Variants in NEK1 observed in about 807,000 individuals in gnomAD.
The protein encoded by NEK1 is NIMA related kinase 1.
Under a neutral mutation model 182.1 loss-of-function variants are expected in NEK1, and 137 were observed. The observed-to-expected ratio is 0.75, with a 90% CI of 0.65 to 0.87. The LOEUF (loss-of-function observed/expected upper bound fraction) is 0.87, where lower values mean the gene tolerates loss of function less well. Among genes scored for constraint, NEK1 ranks in the 40% least tolerant of loss-of-function variants. The pLI, the probability that NEK1 is intolerant of heterozygous loss-of-function variation, is 0.00. For synonymous variants in NEK1, 513 were observed against 492.2 expected, an observed-to-expected ratio of 1.04 and a Z score of -0.56; for missense variants, 1,391 against 1,494.4, an observed-to-expected ratio of 0.93 and a Z score of 1.14.
chr4:169,588,758 G>A, intron 7 of NEK1, 23 bp from the exon 8 acceptor site: 1 of 1,436,150 alleles, frequency 7.0e-7, no homozygotes, highest in Non-Finnish European at 9.6e-7. Flanking sequence ...TAAAATTATT[G>A]GAGAAGTTAA....
At chr4:169,607,527 G>A (rs7665948) in intron 2 of NEK1, among the ~76,000 whole-genome samples, 42,830 of 151,822 alleles carry the variant, frequency 0.28, 8,570 homozygotes, top group African/African-American at 0.57. Context: ...CAGTGGCGCA[G>A]TCTTGGCTCA....
At chr4:169,593,513 C>A (rs72974761) in intron 5 of NEK1, among the ~76,000 whole-genome samples, 1 of 152,066 alleles carries the variant, frequency 6.6e-6, no homozygotes, top group Non-Finnish European at 1.5e-5. Context: ...TAAAGCTGGA[C>A]AGAAGAGGTG....
Position 169,602,124 on chromosome 4 carries a change from A to G in NEK1, c.118-20T>C. The G allele has an allele frequency of 6.5e-7, 1 of 1,540,972 alleles. No individual in the cohort carries two copies. The highest frequency in any genetic ancestry group is 9.0e-7 in the Non-Finnish European group (1 of 1,114,244). On this transcript the variant is annotated intron_variant, in intron 3 of 35. Coordinates refer to ENST00000507142, the MANE Select transcript of NEK1 (RefSeq NM_001199397.3). Reference sequence around the variant, plus strand: ...GGACATCTTAAATGGGAGGAAAAAGAAAATAGTAAATGAAACCATTAATAA... The same window carrying G: ...GGACATCTTAAATGGGAGGAAAAAGGAAATAGTAAATGAAACCATTAATAA...
chr4:169,479,612 CTATT>C lies in NEK1; in HGVS notation c.2008-82_2008-79del. On this transcript the variant is annotated intron_variant, in intron 23 of 35. Transcript: ENST00000507142. Reference sequence around the variant, plus strand: ...AAATAAAATGGTACCTACCAGATCACTATTTATCCACTCTATCCACAAGTAGTTT... The same window carrying C: ...AAATAAAATGGTACCTACCAGATCACTATCCACTCTATCCACAAGTAGTTT... 4.2e-6 allele frequency: 5 copies of C among 1,177,570 alleles called. No individual in the cohort carries two copies. The East Asian group carries it at 1.3e-4, about 29-fold the overall frequency. The allele number at this position is 1,177,570 out of a possible 1,614,324, so 72.9% of individuals were successfully genotyped here.
chr4:169,561,989 G>T (rs1308135584), intron 13 of NEK1, 98 bp from the exon 14 acceptor site: 7 of 1,141,858 alleles, frequency 6.1e-6, no homozygotes, highest in Non-Finnish European at 8.5e-6. Context: ...TATGTTCAAT[G>T]AGGTTTTTTT....
At chr4:169,437,208 G>A (rs1738573694) in intron 28 of NEK1, among the ~76,000 whole-genome samples, 2 of 86,994 alleles carry the variant, frequency 2.3e-5, no homozygotes, top group South Asian at 1.0e-3. Flanking sequence ...TGCACATATG[G>A]AAAACAAATA....
chr4:169,405,145 T>C (rs1443208322), intron 32 of NEK1, among the ~76,000 whole-genome samples: 1 of 152,216 alleles, frequency 6.6e-6, no homozygotes, highest in Non-Finnish European at 1.5e-5. Flanking sequence ...GAGAAATGCA[T>C]TGTTATAGCC....
At chr4:169,396,223 G>T (rs1024794120) in intron 35 of NEK1, among the ~76,000 whole-genome samples, 4 of 151,734 alleles carry the variant, frequency 2.6e-5, no homozygotes, top group Non-Finnish European at 5.9e-5. Context: ...AAAATTAGCT[G>T]GGTGTGGTGG....
intron 27 of NEK1, among the ~76,000 whole-genome samples, chr4:169,453,749 G>A (rs1742299569): frequency 6.6e-6 from 1 of 152,168 alleles, no homozygotes; most frequent in Admixed American, 6.5e-5. Flanking sequence ...AATATCTATA[G>A]AAACAATGCT....
At chr4:169,445,963 G>T (rs1040189261) in intron 27 of NEK1, among the ~76,000 whole-genome samples, 3 of 151,448 alleles carry the variant, frequency 2.0e-5, no homozygotes, top group Non-Finnish European at 2.9e-5. Flanking sequence ...TAGAACTGGA[G>T]GTCATTATCC....
chr4:169,435,004 C>T (rs757274046), intron 28 of NEK1, among the ~76,000 whole-genome samples: 3 of 152,174 alleles, frequency 2.0e-5, no homozygotes, highest in Non-Finnish European at 2.9e-5. Context: ...TATACAGCTT[C>T]CATAGTATGC....
chr4:169,482,070 G>A (rs1450724894), intron 23 of NEK1, among the ~76,000 whole-genome samples: 1 of 152,196 alleles, frequency 6.6e-6, no homozygotes, highest in African/African-American at 2.4e-5. Flanking sequence ...ATGTTATGGA[G>A]GTGGCTTCTT....
intron 27 of NEK1, 29 bp from the exon 28 acceptor site, chr4:169,438,288 C>A: frequency 6.7e-7 from 1 of 1,498,226 alleles, no homozygotes; most frequent in Non-Finnish European, 9.0e-7. Flanking sequence ...AAAAATCATG[C>A]TAGTTCTCAA....
chr4:169,608,102 GACACACACACACATACACACAC>G (rs1771688016), intron 2 of NEK1, among the ~76,000 whole-genome samples: 1 of 108,760 alleles, frequency 9.2e-6, no homozygotes, highest in African/African-American at 3.3e-5. Context: ...TTAAAGTTCA[GACACACACACACATACACACAC>G]ACACACACAC....
chr4:169,606,344 G>T (rs140309069), intron 2 of NEK1, among the ~76,000 whole-genome samples: 70 of 151,190 alleles, frequency 4.6e-4, no homozygotes, highest in African/African-American at 1.7e-3. Context: ...AGGCAAAACA[G>T]AAGAGAAGGC....
chr4:169,419,395 T>A (rs1403325875), intron 31 of NEK1, among the ~76,000 whole-genome samples: 1 of 151,200 alleles, frequency 6.6e-6, no homozygotes, highest in Non-Finnish European at 1.5e-5. Flanking sequence ...GTTCTTAAAG[T>A]GGAAGAAAAA....
At chr4:169,463,759 G>A (rs545685413) in intron 26 of NEK1, among the ~76,000 whole-genome samples, 38 of 152,168 alleles carry the variant, frequency 2.5e-4, no homozygotes, top group African/African-American at 9.2e-4. Flanking sequence ...TATACATAAC[G>A]AGAATCTTGT....
At chr4:169,582,163 C>G (rs1766758121) in intron 10 of NEK1, among the ~76,000 whole-genome samples, 3 of 151,616 alleles carry the variant, frequency 2.0e-5, no homozygotes, top group Non-Finnish European at 4.4e-5. Flanking sequence ...TGAATTTTCT[C>G]TTTTTTCAAG....
chr4:169,547,035 T>C (rs1760592712), intron 18 of NEK1, among the ~76,000 whole-genome samples: 1 of 152,214 alleles, frequency 6.6e-6, no homozygotes, highest in South Asian at 2.1e-4. Context: ...GCTGGTTATT[T>C]TGCCCATTAG....
Sources: gnomAD v4.1 joint callset for allele counts (sites outside exome capture counted in the v4.1 genomes callset) on GRCh38, gnomAD v4.1.1 for gene constraint, MANE v1.5 for transcripts, NCBI Gene and HGNC (gene_info 2026-07-23, HGNC 2026-07-21) for gene names.